The following SLC9A9 variants were observed in gnomAD, a reference collection of about 807,000 sequenced individuals.
SLC9A9 encodes the protein sodium/hydrogen exchanger 9.
Under a neutral mutation model 77.8 loss-of-function variants are expected in SLC9A9, and 62 were observed. The ratio of observed to expected loss-of-function variants is 0.80; its 90% CI spans 0.65 to 0.98. The LOEUF (loss-of-function observed/expected upper bound fraction) is 0.98. SLC9A9 is among the 50% of genes least tolerant of loss of function. The probability of loss-of-function intolerance (pLI) is 0.00; values close to 1 mark genes in which losing one functional copy is unlikely to be tolerated. For missense variants in SLC9A9, 775 were observed against 774.9 expected (o/e 1.00, Z 0.00); for synonymous variants, 320 against 283.5 (o/e 1.13, Z -1.29).
intron 9 of SLC9A9, among the ~76,000 whole-genome samples, chr3:143,495,897 T>A (rs1231434597): frequency 6.6e-6 from 1 of 152,134 alleles, no homozygotes; most frequent in African/African-American, 2.4e-5. Context: ...TAAACTAAAT[T>A]ACCCTTCTCA....
chr3:143,808,099 G>A (rs962431623), intron 2 of SLC9A9, among the ~76,000 whole-genome samples: 1 of 152,228 alleles, frequency 6.6e-6, no homozygotes, highest in Non-Finnish European at 1.5e-5. Flanking sequence ...ACAGGAAAGG[G>A]AGAAATCACT....
chr3:143,448,064 T>C (rs979364716), intron 12 of SLC9A9, among the ~76,000 whole-genome samples: 1 of 152,162 alleles, frequency 6.6e-6, no homozygotes, highest in African/African-American at 2.4e-5. Context: ...TGGGACTAAG[T>C]GTCCCATTAG....
Position 143,266,179 on chromosome 3 carries a change from G to C in SLC9A9, c.*523C>G. On this transcript the variant is annotated 3_prime_UTR_variant, in exon 16 of 16. Coordinates refer to ENST00000316549, the MANE Select transcript of SLC9A9 (RefSeq NM_173653.4). Reference sequence around the variant, plus strand: ...AGCAGTGGGTACGGAACACTTCTCTGGGCTCTGCCCTGGGGTCACTGAGAG... The same window carrying C: ...AGCAGTGGGTACGGAACACTTCTCTCGGCTCTGCCCTGGGGTCACTGAGAG... 1 of 698,300 alleles carries C rather than the reference G, an allele frequency of 1.4e-6. No homozygotes were observed. Among genetic ancestry groups the C allele is most frequent in the South Asian group, 1.5e-5 (1 of 66,392 alleles). The allele number at this position is 698,300 out of a possible 1,614,324, so 43.3% of individuals were successfully genotyped here. A position where few individuals can be genotyped will look rare whatever the true frequency, so the allele number is the denominator to read the frequency against.
intron 1 of SLC9A9, among the ~76,000 whole-genome samples, chr3:143,832,956 T>C (rs1299646768): frequency 6.6e-6 from 1 of 152,174 alleles, no homozygotes; most frequent in Non-Finnish European, 1.5e-5. Flanking sequence ...TTCTGGTTAC[T>C]TGTAGCCAAA....
intron 14 of SLC9A9, among the ~76,000 whole-genome samples, chr3:143,298,929 C>A (rs1362137966): frequency 2.0e-5 from 3 of 152,156 alleles, no homozygotes; most frequent in Non-Finnish European, 2.9e-5. Flanking sequence ...AGTTTGTGAT[C>A]TTATTCAAGT....
intron 6 of SLC9A9, among the ~76,000 whole-genome samples, chr3:143,628,604 T>C (rs1227142991): frequency 2.0e-5 from 3 of 152,212 alleles, no homozygotes; most frequent in East Asian, 3.9e-4. Flanking sequence ...ATCTGTATTA[T>C]AAACACTCAC....
At chr3:143,763,714 ATTT>A (rs112250510) in intron 4 of SLC9A9, among the ~76,000 whole-genome samples, 1 of 146,662 alleles carries the variant, frequency 6.8e-6, no homozygotes, top group African/African-American at 2.5e-5. Context: ...AAAATGTTTG[ATTT>A]TTTTTTTTTT....
In SLC9A9 at chr3:143,574,053, C is replaced by T. The variant is rs750605419; in HGVS notation, c.1000+35G>A. On this transcript the variant is annotated intron_variant, in intron 8 of 15. Coordinates refer to ENST00000316549, the MANE Select transcript of SLC9A9 (RefSeq NM_173653.4). ...CACACCAGAGCCACACACATATTCA[C>T]ACATCCAGTTGGCTGTGCAGCATGA... is the stretch of plus-strand genomic sequence containing the variant. 1.9e-6 allele frequency: 3 copies of T among 1,577,940 alleles called. No individual in the cohort carries two copies. In the Admixed American group the frequency reaches 5.0e-5, roughly 26 times the overall value.
chr3:143,617,739 C>T (rs1490395854), intron 6 of SLC9A9, among the ~76,000 whole-genome samples: 1 of 152,212 alleles, frequency 6.6e-6, no homozygotes, highest in Non-Finnish European at 1.5e-5. Flanking sequence ...TCCCAGCCTA[C>T]TTCACTTATC....
intron 14 of SLC9A9, among the ~76,000 whole-genome samples, chr3:143,336,808 C>T (rs137977570): frequency 2.6e-4 from 40 of 151,980 alleles, no homozygotes; most frequent in African/African-American, 9.2e-4. Context: ...TTCTAGAGAT[C>T]GGTTTTACAA....
chr3:143,827,518 C>T (rs1306394446), intron 2 of SLC9A9, among the ~76,000 whole-genome samples: 1 of 152,148 alleles, frequency 6.6e-6, no homozygotes, highest in African/African-American at 2.4e-5. Flanking sequence ...CATAAAATCA[C>T]AGTACATTGC....
rs142411857 is a variant in SLC9A9, at chr3:143,578,607, G to T, written c.872C>A (p.Ala291Glu). ...TATCAGTGCTGTGATGATGGCATAC[G>T]CAGACCCCATTGCAAATGAGCCAGC... The part of the protein sequence containing the change: ...IFAGSFAMGS[A>E]YAIITALLTK... Residue 291 changes from alanine to glutamate, a missense_variant, in exon 7 of 16, where the codon GCG (alanine) becomes GAG (glutamate). By Grantham distance (107) the Ala-to-Glu change is moderately radical. Coordinates refer to ENST00000316549, the MANE Select transcript of SLC9A9 (RefSeq NM_173653.4). 9.3e-6 allele frequency: 15 copies of T among 1,613,966 alleles called. No individual in the cohort carries two copies. In the Admixed American group the frequency reaches 2.0e-4, roughly 22 times the overall value.
chr3:143,313,115 G>A (rs2031081615), intron 14 of SLC9A9: 1 of 152,066 alleles, frequency 6.6e-6, no homozygotes, highest in Non-Finnish European at 1.5e-5. Context: ...ACCATGCCAG[G>A]GACTCCCACT....
At chr3:143,589,081 C>T (rs2037605663) in intron 6 of SLC9A9, among the ~76,000 whole-genome samples, 1 of 152,116 alleles carries the variant, frequency 6.6e-6, no homozygotes, top group Non-Finnish European at 1.5e-5. Context: ...ATATTAATCC[C>T]CACGGTTGAA....
At chr3:143,267,742 A>G (rs1006248296) in intron 15 of SLC9A9, among the ~76,000 whole-genome samples, 1 of 152,220 alleles carries the variant, frequency 6.6e-6, no homozygotes, top group African/African-American at 2.4e-5. Context: ...AAGTCACCAT[A>G]GTGGATAATG....
At chr3:143,441,861 T>C (rs1484090396) in intron 12 of SLC9A9, among the ~76,000 whole-genome samples, 2 of 151,842 alleles carry the variant, frequency 1.3e-5, no homozygotes, top group Non-Finnish European at 2.9e-5. Flanking sequence ...CATCCATCCA[T>C]CCATCCATCC....
intron 12 of SLC9A9, among the ~76,000 whole-genome samples, chr3:143,391,934 A>G (rs2033576198): frequency 6.6e-6 from 1 of 152,238 alleles, no homozygotes; most frequent in Non-Finnish European, 1.5e-5. Context: ...AAAGCCTCCA[A>G]GAAATATGGG....
intron 8 of SLC9A9, among the ~76,000 whole-genome samples, chr3:143,564,403 A>G (rs2037135432): frequency 6.6e-6 from 1 of 152,192 alleles, no homozygotes; most frequent in Non-Finnish European, 1.5e-5. Context: ...TTATATCACC[A>G]GAACACAGAA....
At chr3:143,555,649 TA>T (rs1269346167) in intron 8 of SLC9A9, among the ~76,000 whole-genome samples, 2 of 152,222 alleles carry the variant, frequency 1.3e-5, no homozygotes, top group Non-Finnish European at 2.9e-5. Flanking sequence ...TTAAGCCATC[TA>T]AAAAATATTT....
Sources: allele counts gnomAD v4.1 joint callset (sites outside exome capture counted in the v4.1 genomes callset), GRCh38; gene constraint gnomAD v4.1.1; transcripts MANE v1.5; gene names NCBI Gene and HGNC (gene_info 2026-07-23, HGNC 2026-07-21).